The following RUBCNL variants were observed in gnomAD, a reference collection of about 807,000 sequenced individuals.
RUBCNL encodes rubicon like autophagy enhancer, also known as protein associated with UVRAG as autophagy enhancer.
A neutral mutation model predicts 69.5 loss-of-function variants in RUBCNL; 62 were observed. That is an observed-to-expected ratio of 0.89 (90% CI 0.73 to 1.10). The LOEUF (loss-of-function observed/expected upper bound fraction) is 1.10, where lower values mean the gene tolerates loss of function less well. Among genes scored for constraint, RUBCNL ranks in the 50% least tolerant of loss-of-function variants. The pLI is 0.00. For synonymous variants in RUBCNL, 291 were observed against 303.6 expected (o/e 0.96, Z 0.43); for missense variants, 768 against 798.1 (o/e 0.96, Z 0.45).
intron 10 of RUBCNL, 117 bp downstream of exon 10, chr13:46,356,315 G>T: frequency 1.0e-6 from 1 of 961,966 alleles, no homozygotes; most frequent in Non-Finnish European, 1.6e-6. Context: ...CTTCTCTGAA[G>T]CTCTTATAAC....
At chr13:46,386,607 A>C (rs980400780) in intron 1 of RUBCNL, among the ~76,000 whole-genome samples, 5 of 151,868 alleles carry the variant, frequency 3.3e-5, no homozygotes, top group Non-Finnish European at 5.9e-5. Context: ...TGGGGGCGAG[A>C]AGAGTGGGGG....
intron 1 of RUBCNL, among the ~76,000 whole-genome samples, chr13:46,380,786 GTTCT>G (rs1566092080): frequency 6.6e-6 from 1 of 152,066 alleles, no homozygotes; most frequent in African/African-American, 2.4e-5. Context: ...ATAGAATTTT[GTTCT>G]TTCTTTCCAA....
intron 10 of RUBCNL, among the ~76,000 whole-genome samples, chr13:46,354,169 T>C (rs1322660167): frequency 6.6e-6 from 1 of 152,206 alleles, no homozygotes; most frequent in Non-Finnish European, 1.5e-5. Flanking sequence ...AAGGGTAAAA[T>C]GTCATGTTCA....
At chr13:46,353,426 A>G (rs1024775048) in intron 10 of RUBCNL, among the ~76,000 whole-genome samples, 3 of 152,224 alleles carry the variant, frequency 2.0e-5, no homozygotes, top group Non-Finnish European at 4.4e-5. Context: ...ATGCTGTTAT[A>G]CTATCAATAC....
chr13:46,350,293 G>T lies in RUBCNL; in HGVS notation c.1389C>A (p.Cys463Ter). The T allele has an allele frequency of 6.3e-7, 1 of 1,578,940 alleles. No individual in the cohort carries two copies. Among genetic ancestry groups the T allele is most frequent in the Non-Finnish European group, 8.6e-7 (1 of 1,161,456 alleles). ...GGATGCACGACTCTGCATATGAGTG[G>T]CAGCAGTCACAGAAATACTTCCCTA... ...EYLGKYFCDC[C>*]HSYAESCIPA... Residue 463 changes from cysteine to a stop codon, truncating the protein, a stop_gained, in exon 11 of 15, where the codon TGC (cysteine) becomes TGA (stop). Coordinates refer to ENST00000429979, the MANE Select transcript of RUBCNL (RefSeq NM_025113.5). LOFTEE classifies it high-confidence loss of function.
At chr13:46,374,549 C>A (rs978947632) in intron 2 of RUBCNL, 1 of 152,188 alleles carries the variant, frequency 6.6e-6, no homozygotes, top group Non-Finnish European at 1.5e-5. Context: ...CTGATAAGAA[C>A]AGATACTACA....
At chr13:46,354,970 G>C (rs1323591256) in intron 10 of RUBCNL, 1 of 380,230 alleles carries the variant, frequency 2.6e-6, no homozygotes, top group African/African-American at 2.1e-5. Context: ...GTTAACCAAA[G>C]AGACATGTTC....
Position 46,372,147 on chromosome 13 carries a change from T to C in RUBCNL, c.329A>G (p.Asp110Gly), listed in dbSNP as rs768724462. The C allele has an allele frequency of 1.9e-6, 3 of 1,613,430 alleles. No homozygotes were observed. The highest frequency in any genetic ancestry group is 2.5e-6 in the Non-Finnish European group (3 of 1,179,824). The change falls in exon 3 of 15, where the codon GAC becomes GGC. Residue 110 changes from aspartate (D) to glycine (G), a missense_variant. Asp to Gly is a moderately conservative substitution (Grantham distance 94). Coordinates refer to ENST00000429979, the MANE Select transcript of RUBCNL (RefSeq NM_025113.5). ...ATGGGGAGAAGCGCTGCCAACGGAG[T>C]CTGTGGTATCCTCAGACAACGTTGT... is the stretch of plus-strand genomic sequence containing the variant. ...AETTLSEDTT[D>G]SVGSASPHGS...
At position 46,339,078 on chromosome 13, in the gene RUBCNL, C is replaced by T. The variant is rs616334; in HGVS notation, c.*4307G>A. On this transcript the variant is annotated 3_prime_UTR_variant, in exon 15 of 15. Coordinates refer to ENST00000429979, the MANE Select transcript of RUBCNL (RefSeq NM_025113.5). ...AAAAAAAAAAGTGCAAGGAAAAATACACAATTTGCTTAACCTATGTGGTTA... is the reference window on the plus strand; with the variant it reads ...AAAAAAAAAAGTGCAAGGAAAAATATACAATTTGCTTAACCTATGTGGTTA... 0.31 allele frequency among the ~76,000 whole-genome samples: 46,755 copies of T among 150,862 alleles called. 7,418 individuals are homozygous for T. Among genetic ancestry groups the T allele is most frequent in the Middle Eastern group, 0.36 (106 of 292 alleles).
chr13:46,362,936 A>C (rs1436773083), intron 6 of RUBCNL, among the ~76,000 whole-genome samples, 179 bp downstream of exon 6: 7 of 48,026 alleles, frequency 1.5e-4, no homozygotes, highest in Non-Finnish European at 6.6e-5. Context: ...ATATATATAT[A>C]TAGATATATA....
chr13:46,367,937 T>A, intron 5 of RUBCNL, 105 bp downstream of exon 5: 1 of 1,094,334 alleles, frequency 9.1e-7, no homozygotes, highest in Non-Finnish European at 1.4e-6. Context: ...GGTTCAGGCT[T>A]CCACTGGGAG....
At chr13:46,375,888 A>G (rs1047436746) in intron 2 of RUBCNL, among the ~76,000 whole-genome samples, 3 of 152,182 alleles carry the variant, frequency 2.0e-5, no homozygotes, top group Admixed American at 6.5e-5. Flanking sequence ...ATTTTCTTCC[A>G]TATCTGTCAC....
Position 46,339,295 on chromosome 13 carries a change from A to C in RUBCNL, c.*4090T>G, listed in dbSNP as rs1308648334. Among the ~76,000 whole-genome samples the C allele has an allele frequency of 6.6e-6, 1 of 152,162 alleles. No individual in the cohort carries two copies. The highest frequency in any genetic ancestry group is 1.5e-5 in the Non-Finnish European group (1 of 68,028). On this transcript the variant is annotated 3_prime_UTR_variant, in exon 15 of 15. Coordinates refer to ENST00000429979, the MANE Select transcript of RUBCNL (RefSeq NM_025113.5). ...AAGGGGAACTACGGTTTTCCTTCCCATACCAGTTGAGAAATTATTTAAAGA... is the reference window on the plus strand; with the variant it reads ...AAGGGGAACTACGGTTTTCCTTCCCCTACCAGTTGAGAAATTATTTAAAGA...
intron 12 of RUBCNL, 25 bp from the exon 13 acceptor site, chr13:46,345,625 A>T: frequency 6.2e-7 from 1 of 1,611,548 alleles, no homozygotes; most frequent in Non-Finnish European, 8.5e-7. Flanking sequence ...ACAAAGAGGA[A>T]TTCAGAAACC....
chr13:46,344,105 A>T (rs976288847), intron 14 of RUBCNL, among the ~76,000 whole-genome samples: 3 of 152,102 alleles, frequency 2.0e-5, no homozygotes, highest in African/African-American at 7.2e-5. Context: ...TTTTGTAGGC[A>T]AGTCTCTGCC....
chr13:46,361,900 A>G lies in RUBCNL; in HGVS notation c.987-327T>C, dbSNP rs542813041. Reference sequence around the variant, plus strand: ...AAGCACATCCTATATATGAGTCTCAATTTTTATGTCTATAAAATGAGGTTT... The same window carrying G: ...AAGCACATCCTATATATGAGTCTCAGTTTTTATGTCTATAAAATGAGGTTT... On this transcript the variant is annotated intron_variant, in intron 7 of 14. Coordinates refer to ENST00000429979, the MANE Select transcript of RUBCNL (RefSeq NM_025113.5). 1.7e-4 allele frequency among the ~76,000 whole-genome samples: 26 copies of G among 152,226 alleles called. 1 individual carries two copies. The East Asian group carries it at 5.0e-3, about 29-fold the overall frequency.
chr13:46,365,371 C>T (rs1002582649), intron 5 of RUBCNL, among the ~76,000 whole-genome samples: 2 of 150,148 alleles, frequency 1.3e-5, no homozygotes, highest in African/African-American at 2.5e-5. Context: ...ACCACGTACA[C>T]ACACAAAAAA....
At chr13:46,382,672 T>A (rs1226598520) in intron 1 of RUBCNL, among the ~76,000 whole-genome samples, 3 of 152,190 alleles carry the variant, frequency 2.0e-5, no homozygotes. Context: ...TAGCTGGGAT[T>A]ACAGGCGCCC....
At chr13:46,343,721 A>C (rs1367464824) in intron 14 of RUBCNL, among the ~76,000 whole-genome samples, 1 of 152,166 alleles carries the variant, frequency 6.6e-6, no homozygotes, top group African/African-American at 2.4e-5. Context: ...AGAGAGCCTG[A>C]TGTAACGGAC....
Sources: allele counts gnomAD v4.1 joint callset (sites outside exome capture counted in the v4.1 genomes callset), GRCh38; gene constraint gnomAD v4.1.1; transcripts MANE v1.5; gene names NCBI Gene and HGNC (gene_info 2026-07-23, HGNC 2026-07-21).